Variants in FGD4 observed in about 807,000 individuals in gnomAD.
The protein encoded by FGD4 is FYVE, RhoGEF and PH domain containing 4, also known as FYVE, RhoGEF and PH domain-containing protein 4.
Under a neutral mutation model 102.0 loss-of-function variants are expected in FGD4, and 42 were observed. The observed-to-expected ratio is 0.41, with a 90% CI of 0.32 to 0.53. The LOEUF (loss-of-function observed/expected upper bound fraction) is 0.53. Ranked by LOEUF, FGD4 falls within the 20% of genes least tolerant of loss-of-function variation. FGD4 has a pLI of 0.21. For synonymous variants in FGD4, 380 were observed against 375.7 expected (o/e 1.01, Z -0.13); for missense variants, 902 against 1,078.2 (o/e 0.84, Z 2.29).
At chr12:32,631,983 G>A (rs777598194) in intron 14 of FGD4, among the ~76,000 whole-genome samples, 16 of 152,084 alleles carry the variant, frequency 1.1e-4, no homozygotes, top group East Asian at 1.9e-4. Flanking sequence ...ATGAGTTTGC[G>A]GTTACAGGTA....
chr12:32,445,246 A>G (rs763973180), intron 1 of FGD4, among the ~76,000 whole-genome samples: 1 of 152,250 alleles, frequency 6.6e-6, no homozygotes, highest in Non-Finnish European at 1.5e-5. Context: ...TCCTTACAAG[A>G]AAGAAATCCT....
intron 1 of FGD4, among the ~76,000 whole-genome samples, chr12:32,557,674 A>T (rs964821906): frequency 2.6e-5 from 4 of 152,218 alleles, no homozygotes; most frequent in African/African-American, 9.6e-5. Context: ...AAAATTTATT[A>T]TTCAGGTTTA....
At position 32,399,725 on chromosome 12, in the gene FGD4, C is replaced by A; in HGVS notation, c.-69C>A. ...GCCGAACCTGGGCATGCAGGCGACG[C>A]CCCCCAGGGGCCGCTCGCGGCTGGA... On this transcript the variant is annotated 5_prime_UTR_variant, in exon 1 of 17. Transcript: ENST00000534526. 1 of 1,500,614 alleles carries A rather than the reference C, an allele frequency of 6.7e-7. No homozygotes were observed. Among genetic ancestry groups the A allele is most frequent in the South Asian group, 1.3e-5 (1 of 79,648 alleles). 93.0% of individuals were successfully genotyped at this position (1,500,614 alleles called of 1,614,324 possible). A position where few individuals can be genotyped will look rare whatever the true frequency, so the allele number is the denominator to read the frequency against.
chr12:32,473,256 C>T (rs1591969377), intron 1 of FGD4, among the ~76,000 whole-genome samples: 1 of 151,890 alleles, frequency 6.6e-6, no homozygotes, highest in Non-Finnish European at 1.5e-5. Flanking sequence ...CTGCTCGTGT[C>T]CCCTTCCACA....
chr12:32,424,301 T>C (rs920146207), intron 1 of FGD4, among the ~76,000 whole-genome samples: 1 of 152,012 alleles, frequency 6.6e-6, no homozygotes, highest in Non-Finnish European at 1.5e-5. Flanking sequence ...CTCCCATATA[T>C]GAGTGAGAAC....
chr12:32,460,564 A>G (rs9634114), intron 1 of FGD4, among the ~76,000 whole-genome samples: 49,016 of 151,840 alleles, frequency 0.32, 8,910 homozygotes, highest in East Asian at 0.45. Context: ...ATAGTAGAGT[A>G]GTACATGTAT....
chr12:32,428,588 T>A (rs1941931814), intron 1 of FGD4, among the ~76,000 whole-genome samples: 1 of 152,228 alleles, frequency 6.6e-6, no homozygotes, highest in South Asian at 2.1e-4. Flanking sequence ...TTCTCTGTGT[T>A]TCCTGAATTT....
chr12:32,523,597 G>C (rs1327356279), intron 1 of FGD4, among the ~76,000 whole-genome samples: 2 of 152,242 alleles, frequency 1.3e-5, no homozygotes, highest in Non-Finnish European at 2.9e-5. Context: ...ATGAAGCTAA[G>C]GGACTGACAC....
chr12:32,638,934 G>T, intron 16 of FGD4, 139 bp downstream of exon 16: 1 of 1,504,534 alleles, frequency 6.6e-7, no homozygotes, highest in Non-Finnish European at 8.8e-7. Context: ...AATGAGTAAA[G>T]TTCAAGTTTG....
chr12:32,436,778 C>G (rs369000468), intron 1 of FGD4, among the ~76,000 whole-genome samples: 132 of 152,170 alleles, frequency 8.7e-4, no homozygotes, highest in African/African-American at 3.1e-3. Flanking sequence ...TTGAACCACA[C>G]AGTGAACCTA....
intron 1 of FGD4, among the ~76,000 whole-genome samples, chr12:32,552,156 G>T (rs1781296384): frequency 6.6e-6 from 1 of 152,210 alleles, no homozygotes; most frequent in Admixed American, 6.5e-5. Context: ...ACATGTACTT[G>T]ATTGTGGTTT....
chr12:32,640,805 T>C lies in FGD4; in HGVS notation c.*272T>C. ...TTTTTTGTCTTGAAGAAATGGTGTATCAATTGATTCTGTCACCGTCAGGTT... is the reference window on the plus strand; with the variant it reads ...TTTTTTGTCTTGAAGAAATGGTGTACCAATTGATTCTGTCACCGTCAGGTT... On this transcript the variant is annotated 3_prime_UTR_variant, in exon 17 of 17. Coordinates refer to ENST00000534526, the MANE Select transcript of FGD4 (RefSeq NM_001370298.3). 1 of 599,294 alleles carries C rather than the reference T, an allele frequency of 1.7e-6. No homozygotes were observed. Among genetic ancestry groups the C allele is most frequent in the Non-Finnish European group, 2.9e-6 (1 of 339,112 alleles). 37.1% of individuals were successfully genotyped at this position (599,294 alleles called of 1,614,324 possible).
intron 1 of FGD4, among the ~76,000 whole-genome samples, chr12:32,447,067 A>T (rs1313362255): frequency 6.6e-6 from 1 of 152,214 alleles, no homozygotes; most frequent in Non-Finnish European, 1.5e-5. Flanking sequence ...ATACACACAA[A>T]ACCCCCCAAA....
intron 1 of FGD4, among the ~76,000 whole-genome samples, chr12:32,415,408 G>C (rs1340882546): frequency 7.2e-6 from 1 of 139,332 alleles, no homozygotes; most frequent in African/African-American, 2.7e-5. Context: ...ATTGGGATCT[G>C]TCTCTCTTTT....
chr12:32,626,877 T>C (rs560189237), intron 14 of FGD4, among the ~76,000 whole-genome samples: 3 of 152,192 alleles, frequency 2.0e-5, no homozygotes, highest in Non-Finnish European at 4.4e-5. Context: ...GACGGAGTTT[T>C]GCTCTTGTTG....
intron 1 of FGD4, among the ~76,000 whole-genome samples, chr12:32,532,560 A>G (rs528276695): frequency 6.6e-6 from 1 of 152,228 alleles, no homozygotes; most frequent in East Asian, 1.9e-4. Context: ...GGCAGAGAGC[A>G]CATGTTAGCT....
rs148459782 is a variant in FGD4, at chr12:32,487,608, G to C, written c.167-76529G>C. Among the ~76,000 whole-genome samples the C allele has an allele frequency of 8.6e-3, 1,307 of 152,230 alleles. 17 individuals are homozygous for C. Among genetic ancestry groups the C allele is most frequent in the African/African-American group, 0.03 (1,246 of 41,520 alleles). ...CACCTGGCTAATTTTTGTGTTTTTA[G>C]TAGAGACGAGGTTTTGCCATGTTGG... is the stretch of plus-strand genomic sequence containing the variant. On this transcript the variant is annotated intron_variant, in intron 1 of 16. Coordinates refer to ENST00000534526, the MANE Select transcript of FGD4 (RefSeq NM_001370298.3).
At chr12:32,416,493 T>C (rs566419134) in intron 1 of FGD4, among the ~76,000 whole-genome samples, 8 of 152,314 alleles carry the variant, frequency 5.3e-5, no homozygotes, top group African/African-American at 1.9e-4. Flanking sequence ...CTTTTTATTT[T>C]TTGGGTGTCC....
chr12:32,527,487 T>G (rs959425166), intron 1 of FGD4, among the ~76,000 whole-genome samples: 5 of 152,132 alleles, frequency 3.3e-5, no homozygotes, highest in Non-Finnish European at 5.9e-5. Flanking sequence ...TGGAGCGCAG[T>G]GGTGCGATCT....
Sources: allele counts gnomAD v4.1 joint callset (sites outside exome capture counted in the v4.1 genomes callset), GRCh38; gene constraint gnomAD v4.1.1; transcripts MANE v1.5; gene names NCBI Gene and HGNC (gene_info 2026-07-23, HGNC 2026-07-21).